Variants in SGSM1 observed in about 807,000 individuals in gnomAD.
SGSM1 encodes the protein small G protein signaling modulator 1, also known as RUN and TBC1 domain containing 2.
Under a neutral mutation model 133.8 loss-of-function variants are expected in SGSM1, and 73 were observed. The observed-to-expected ratio is 0.55, with a 90% CI of 0.45 to 0.66. SGSM1 has a LOEUF of 0.66. Among genes scored for constraint, SGSM1 ranks in the 30% least tolerant of loss-of-function variants. SGSM1 has a pLI of 0.00. For missense variants in SGSM1, 1,213 were observed against 1,448.1 expected, an observed-to-expected ratio of 0.84 and a Z score of 2.64; for synonymous variants, 563 against 573.0, an observed-to-expected ratio of 0.98 and a Z score of 0.25.
At chr22:24,898,796 G>C (rs971172983) in intron 19 of SGSM1, among the ~76,000 whole-genome samples, 1 of 152,060 alleles carries the variant, frequency 6.6e-6, no homozygotes, top group Non-Finnish European at 1.5e-5. Flanking sequence ...GGGAGGCTGA[G>C]GGGGGTGGAT....
At chr22:24,806,855 A>T (rs993565129) in intron 2 of SGSM1, among the ~76,000 whole-genome samples, 2 of 152,000 alleles carry the variant, frequency 1.3e-5, no homozygotes, top group Admixed American at 1.3e-4. Context: ...GACGCCCCCC[A>T]CAGGGTGTGC....
At chr22:24,903,975 C>CAAAA (rs1412090808) in intron 20 of SGSM1, among the ~76,000 whole-genome samples, 6 of 90,114 alleles carry the variant, frequency 6.7e-5, no homozygotes, top group African/African-American at 2.4e-4. Flanking sequence ...TCTGTCTCAA[C>CAAAA]AAAAAGAAAA....
At chr22:24,864,697 A>G (rs1221815000) in intron 9 of SGSM1, among the ~76,000 whole-genome samples, 2 of 152,216 alleles carry the variant, frequency 1.3e-5, no homozygotes, top group African/African-American at 4.8e-5. Flanking sequence ...ACTGATCGCA[A>G]ACAGGCAAGA....
intron 2 of SGSM1, among the ~76,000 whole-genome samples, chr22:24,830,695 A>AAGTGTATGGAG (rs1569137507): frequency 1.7e-5 from 1 of 57,968 alleles, no homozygotes; most frequent in South Asian, 4.7e-4. Flanking sequence ...TACCAGAAGG[A>AAGTGTATGGAG]AGCTTTTCCT....
chr22:24,814,230 A>T (rs1011285715), intron 2 of SGSM1: 1 of 152,160 alleles, frequency 6.6e-6, no homozygotes, highest in Non-Finnish European at 1.5e-5. Context: ...AAGGAAAACC[A>T]GGGCTTAACT....
chr22:24,888,937 C>A (rs1932752678), intron 16 of SGSM1, among the ~76,000 whole-genome samples: 1 of 123,810 alleles, frequency 8.1e-6, no homozygotes, highest in Admixed American at 8.2e-5. Context: ...TTCATAGTCA[C>A]CTTTTTTTTT....
Position 24,854,992 on chromosome 22 carries a change from C to A in SGSM1, c.456-4C>A, listed in dbSNP as rs568446388. On this transcript the variant is annotated splice_polypyrimidine_tract_variant and splice_region_variant and intron_variant, in intron 5 of 24. Transcript: ENST00000400358. ...CAAACCTGCATATTCTCTCCTCTTG[C>A]TAGTAAATACTATGAGAAGGAAGCT... 3 of 1,612,438 alleles carry A rather than the reference C, an allele frequency of 1.9e-6. No homozygotes were observed. The highest frequency in any genetic ancestry group is 2.7e-5 in the African/African-American group (2 of 74,974).
At chr22:24,895,993 G>A (rs1932905609) in intron 18 of SGSM1, among the ~76,000 whole-genome samples, 1 of 152,144 alleles carries the variant, frequency 6.6e-6, no homozygotes, top group African/African-American at 2.4e-5. Flanking sequence ...AGGCTGCAGT[G>A]AGCCATGATC....
intron 18 of SGSM1, among the ~76,000 whole-genome samples, chr22:24,896,229 A>G (rs1932910537): frequency 6.6e-6 from 1 of 152,134 alleles, no homozygotes; most frequent in African/African-American, 2.4e-5. Flanking sequence ...GACAGAAGCT[A>G]CATTTCCTTG....
intron 16 of SGSM1, among the ~76,000 whole-genome samples, chr22:24,893,015 A>C (rs12484800): frequency 2.0e-5 from 3 of 151,208 alleles, no homozygotes; most frequent in African/African-American, 7.3e-5. Context: ...AGATTGTGCT[A>C]CAGCACTCCA....
At chr22:24,842,668 G>A (rs1248245517) in intron 2 of SGSM1, among the ~76,000 whole-genome samples, 1 of 152,168 alleles carries the variant, frequency 6.6e-6, no homozygotes, top group Non-Finnish European at 1.5e-5. Flanking sequence ...GGTGTTTCAA[G>A]AGCAGCTTCT....
intron 9 of SGSM1, among the ~76,000 whole-genome samples, chr22:24,860,913 AAAAAAAAAAATAT>A (rs1336196427): frequency 3.6e-4 from 40 of 110,790 alleles, no homozygotes; most frequent in South Asian, 2.4e-3. Context: ...AAAAAAAAAA[AAAAAAAAAAATAT>A]ATATATATAT....
intron 8 of SGSM1, chr22:24,855,923 A>G (rs774742498): frequency 1.5e-6 from 1 of 678,012 alleles, no homozygotes; most frequent in South Asian, 1.6e-5. Context: ...CCATCCATCC[A>G]TCCACCCATC....
At chr22:24,826,775 G>A (rs942343931) in intron 2 of SGSM1, among the ~76,000 whole-genome samples, 5 of 152,132 alleles carry the variant, frequency 3.3e-5, no homozygotes, top group African/African-American at 1.2e-4. Flanking sequence ...GAGTGAGGAC[G>A]TGGCTTTCTG....
At chr22:24,893,732 T>C in intron 17 of SGSM1, 119 bp downstream of exon 17, 2 of 1,148,464 alleles carry the variant, frequency 1.7e-6, no homozygotes, top group Non-Finnish European at 2.3e-6. Context: ...GTCTCACCCC[T>C]GGCTTTTTCT....
chr22:24,850,147 C>A, intron 4 of SGSM1, 133 bp from the exon 5 acceptor site: 1 of 910,844 alleles, frequency 1.1e-6, no homozygotes, highest in Non-Finnish European at 1.6e-6. Flanking sequence ...TTGCTAGCGG[C>A]AATATGGGCT....
At chr22:24,823,842 C>T (rs923569989) in intron 2 of SGSM1, among the ~76,000 whole-genome samples, 1 of 150,606 alleles carries the variant, frequency 6.6e-6, no homozygotes, top group South Asian at 2.1e-4. Flanking sequence ...CCCAGGAGTT[C>T]GAGGCTGCCG....
chr22:24,894,691 C>T lies in SGSM1; in HGVS notation c.1954-532C>T, dbSNP rs180916743. Reference sequence around the variant, plus strand: ...TCACTGCCCAGCAAGTTAACCTGGACGTGCTCTCACGGTGAAAGCAGATGC... The same window carrying T: ...TCACTGCCCAGCAAGTTAACCTGGATGTGCTCTCACGGTGAAAGCAGATGC... On this transcript the variant is annotated intron_variant, in intron 17 of 24. Coordinates refer to ENST00000400358, the MANE Select transcript of SGSM1 (RefSeq NM_001098497.3). 3.0e-4 allele frequency among the ~76,000 whole-genome samples: 45 copies of T among 152,294 alleles called. No homozygotes were observed. In the East Asian group the frequency reaches 7.7e-3, roughly 26 times the overall value.
rs9624644 is a variant in SGSM1 at position 24,884,214 on chromosome 22, G to T, written c.1641+16G>T. 35 of 1,608,868 alleles carry T rather than the reference G, an allele frequency of 2.2e-5. No homozygotes were observed. Among genetic ancestry groups the T allele is most frequent in the Middle Eastern group, 1.7e-4 (1 of 6,052 alleles). On this transcript the variant is annotated intron_variant, in intron 15 of 24. Coordinates refer to ENST00000400358, the MANE Select transcript of SGSM1 (RefSeq NM_001098497.3). ...CGACAGCACAGTAAGGCTTAGCTGG[G>T]CTTGGTCTGCAGTGATGCAGAGGCT...
Sources: gnomAD v4.1 joint callset for allele counts (sites outside exome capture counted in the v4.1 genomes callset) on GRCh38, gnomAD v4.1.1 for gene constraint, MANE v1.5 for transcripts, NCBI Gene and HGNC (gene_info 2026-07-23, HGNC 2026-07-21) for gene names.